The following PTPRK variants were observed in gnomAD, a reference collection of about 807,000 sequenced individuals.
The protein encoded by PTPRK is receptor-type tyrosine-protein phosphatase kappa.
PTPRK carries 75 observed loss-of-function variants against 178.0 expected under a neutral mutation model. The observed-to-expected ratio is 0.42, with a 90% CI of 0.35 to 0.51. The LOEUF is 0.51. Ranked by LOEUF, PTPRK falls within the 20% of genes least tolerant of loss-of-function variation. The probability of loss-of-function intolerance (pLI) is 0.02; values close to 1 mark genes in which losing one functional copy is unlikely to be tolerated. For synonymous variants in PTPRK, 637 were observed against 620.6 expected (o/e 1.03, Z -0.39); for missense variants, 1,441 against 1,797.8 (o/e 0.80, Z 3.59).
chr6:128,002,907 T>C (rs2114698140), intron 15 of PTPRK, among the ~76,000 whole-genome samples: 1 of 152,076 alleles, frequency 6.6e-6, no homozygotes, highest in South Asian at 2.1e-4. Flanking sequence ...TTTGGCTTCA[T>C]TCTACTAATT....
At chr6:128,430,175 G>A (rs1414184504) in intron 1 of PTPRK, among the ~76,000 whole-genome samples, 9 of 152,036 alleles carry the variant, frequency 5.9e-5, no homozygotes. Flanking sequence ...AGAAAGAAAC[G>A]GCTCTAAAAC....
intron 11 of PTPRK, among the ~76,000 whole-genome samples, chr6:128,075,735 T>G (rs1783697037): frequency 6.6e-6 from 1 of 152,034 alleles, no homozygotes; most frequent in Non-Finnish European, 1.5e-5. Flanking sequence ...CTAATAAAAC[T>G]AAACACGAAA....
At chr6:128,430,940 C>CTT (rs577140756) in intron 1 of PTPRK, among the ~76,000 whole-genome samples, 9 of 136,986 alleles carry the variant, frequency 6.6e-5, no homozygotes, top group South Asian at 2.3e-4. Context: ...TAATTTTTTT[C>CTT]TTTTTTTTTT....
intron 7 of PTPRK, among the ~76,000 whole-genome samples, chr6:128,095,803 T>A (rs1401484039): frequency 6.6e-6 from 1 of 152,202 alleles, no homozygotes; most frequent in Non-Finnish European, 1.5e-5. Context: ...AATCTTGACT[T>A]ATTTTATTAT....
intron 13 of PTPRK, among the ~76,000 whole-genome samples, chr6:128,057,003 GCC>G (rs1375571108): frequency 6.6e-6 from 1 of 152,112 alleles, no homozygotes; most frequent in African/African-American, 2.4e-5. Flanking sequence ...AATAAAGTAG[GCC>G]CATATTCTCT....
intron 18 of PTPRK, 71 bp from the exon 19 acceptor site, chr6:127,992,780 G>T: frequency 8.1e-7 from 1 of 1,240,754 alleles, no homozygotes; most frequent in Non-Finnish European, 1.1e-6. Context: ...GGCATAAAAA[G>T]ATGAAGACAA....
chr6:128,508,304 C>T (rs912210869), intron 1 of PTPRK, among the ~76,000 whole-genome samples: 3 of 152,068 alleles, frequency 2.0e-5, no homozygotes, highest in African/African-American at 4.8e-5. Flanking sequence ...AGCATGGGCA[C>T]ATAGTAAGGT....
chr6:128,132,908 T>C (rs1794474773), intron 7 of PTPRK, among the ~76,000 whole-genome samples: 1 of 152,212 alleles, frequency 6.6e-6, no homozygotes. Flanking sequence ...GGTGTCAGCA[T>C]CTTCCATTCT....
intron 5 of PTPRK, chr6:128,238,066 A>T (rs1813638843): frequency 2.2e-6 from 1 of 446,614 alleles, no homozygotes; most frequent in Admixed American, 2.5e-5. Flanking sequence ...GGTGTTATTG[A>T]AAAAGGTAAA....
At position 128,519,151 on chromosome 6, in the gene PTPRK, T is replaced by G; in HGVS notation, c.100+1108A>C. The G allele has an allele frequency of 2.0e-6, 1 of 496,104 alleles. No individual in the cohort carries two copies. The highest frequency in any genetic ancestry group is 3.2e-4 in the Middle Eastern group (1 of 3,102). The allele number at this position is 496,104 out of a possible 1,614,324, so 30.7% of individuals were successfully genotyped here. On this transcript the variant is annotated intron_variant, in intron 1 of 29. Coordinates refer to ENST00000368226, the MANE Select transcript of PTPRK (RefSeq NM_002844.4). The surrounding 1 kb of genome is among the most constrained non-coding windows in gnomAD (Gnocchi z 4.3). ...CGCCAGCCAAGCGAAGCTGGGTAGG[T>G]TGGCCAGAAAAGTTGTCAGGACTGG...
chr6:128,001,673 A>T (rs1777847111), intron 15 of PTPRK, among the ~76,000 whole-genome samples: 1 of 151,932 alleles, frequency 6.6e-6, no homozygotes, highest in South Asian at 2.1e-4. Flanking sequence ...CCCATGAAAA[A>T]GGTATGGTAG....
chr6:128,184,368 T>C, intron 7 of PTPRK, 64 bp downstream of exon 7: 1 of 1,467,964 alleles, frequency 6.8e-7, no homozygotes. Context: ...CAACACTGCA[T>C]GTATTAATGT....
chr6:127,974,212 T>A (rs1368011798), intron 27 of PTPRK, among the ~76,000 whole-genome samples: 1 of 152,224 alleles, frequency 6.6e-6, no homozygotes, highest in Non-Finnish European at 1.5e-5. Flanking sequence ...CCATTCTTAC[T>A]ATAGGCATCA....
intron 1 of PTPRK, among the ~76,000 whole-genome samples, chr6:128,438,052 A>C (rs1318982134): frequency 6.6e-6 from 1 of 152,232 alleles, no homozygotes; most frequent in Non-Finnish European, 1.5e-5. Flanking sequence ...GGGATACTGT[A>C]ATTTCAATCA....
chr6:128,064,854 T>A, intron 12 of PTPRK, 60 bp from the exon 13 acceptor site: 1 of 1,487,512 alleles, frequency 6.7e-7, no homozygotes, highest in Middle Eastern at 1.8e-4. Flanking sequence ...TCCTGTTTCA[T>A]AAACTATAAT....
At chr6:128,281,714 C>T (rs993751056) in intron 3 of PTPRK, among the ~76,000 whole-genome samples, 1 of 152,136 alleles carries the variant, frequency 6.6e-6, no homozygotes, top group Non-Finnish European at 1.5e-5. Context: ...AACCCCCTAT[C>T]TCTGCACTTA....
chr6:128,489,262 T>C (rs866021760), intron 1 of PTPRK, among the ~76,000 whole-genome samples: 1 of 152,248 alleles, frequency 6.6e-6, no homozygotes, highest in African/African-American at 2.4e-5. Flanking sequence ...ATGTTTTTAC[T>C]GATATGCAGA....
chr6:128,107,251 G>A (rs931729837), intron 7 of PTPRK, among the ~76,000 whole-genome samples: 5 of 151,938 alleles, frequency 3.3e-5, no homozygotes, highest in African/African-American at 1.2e-4. Flanking sequence ...TAGCATAAAT[G>A]GAAGGCCTTA....
intron 7 of PTPRK, among the ~76,000 whole-genome samples, chr6:128,141,673 C>T (rs1050054059): frequency 6.6e-6 from 1 of 151,806 alleles, no homozygotes; most frequent in African/African-American, 2.4e-5. Flanking sequence ...GTTAAAGCAA[C>T]TGTTTTGAGC....
Sources: gnomAD v4.1 joint callset for allele counts (sites outside exome capture counted in the v4.1 genomes callset) on GRCh38, gnomAD v4.1.1 for gene constraint, Gnocchi (gnomAD v3.1) non-coding constraint, MANE v1.5 for transcripts, NCBI Gene and HGNC (gene_info 2026-07-23, HGNC 2026-07-21) for gene names.